Variants in PROSER3 observed in about 807,000 individuals in gnomAD.
PROSER3 encodes the protein proline and serine-rich protein 3.
PROSER3 carries 33 observed loss-of-function variants against 50.2 expected under a neutral mutation model. That is an observed-to-expected ratio of 0.66 (90% CI 0.50 to 0.88). PROSER3 has a LOEUF of 0.88. Ranked by LOEUF, PROSER3 falls within the 40% of genes least tolerant of loss-of-function variation. The pLI is 0.00. For synonymous variants in PROSER3, 266 were observed against 259.3 expected, an observed-to-expected ratio of 1.03 and a Z score of -0.25; for missense variants, 623 against 612.7, an observed-to-expected ratio of 1.02 and a Z score of -0.18.
chr19:35,758,348 A>C, intron 1 of PROSER3, 122 bp downstream of exon 1: 1 of 1,280,024 alleles, frequency 7.8e-7, no homozygotes, highest in Non-Finnish European at 1.0e-6. Flanking sequence ...CACTGGAACT[A>C]CAATTCCCAA....
intron 5 of PROSER3, chr19:35,762,563 AGAG>A (rs1046802998): frequency 1.2e-4 from 48 of 411,540 alleles, no homozygotes; most frequent in South Asian, 7.6e-4. Context: ...AAAAAAAAAA[AGAG>A]AGAGAGAGAG....
chr19:35,763,449 G>A (rs895963270), intron 5 of PROSER3, among the ~76,000 whole-genome samples: 3 of 149,140 alleles, frequency 2.0e-5, no homozygotes, highest in Non-Finnish European at 3.0e-5. Flanking sequence ...CCGGCAATCC[G>A]CCCACCTCAG....
intron 9 of PROSER3, 24 bp downstream of exon 9, chr19:35,768,089 G>T: frequency 6.3e-7 from 1 of 1,590,904 alleles, no homozygotes; most frequent in Non-Finnish European, 8.6e-7. Context: ...CCTCCTGGAT[G>T]TTGGAGGCAG....
At chr19:35,764,654 C>CAA (rs921410542) in intron 5 of PROSER3, among the ~76,000 whole-genome samples, 200 bp from the exon 6 acceptor site, 1 of 114,428 alleles carries the variant, frequency 8.7e-6, no homozygotes, top group Non-Finnish European at 1.9e-5. Context: ...AATTCAATCT[C>CAA]AAAAAAAAAA....
At chr19:35,768,576 C>CT (rs760031493) in exon 11 of PROSER3, 2 of 1,519,932 alleles carry the variant, frequency 1.3e-6, no homozygotes, top group Admixed American at 2.3e-5. Flanking sequence ...CCCAGTGAGG[C>CT]TCTTTTTTTT....
chr19:35,768,813 G>A (rs908685413), exon 11 of PROSER3: 10 of 308,620 alleles, frequency 3.2e-5, no homozygotes, highest in Admixed American at 1.4e-4. Flanking sequence ...CACCTTATCT[G>A]GCTTCACTCA....
chr19:35,767,904 T>A (rs750471947), exon 9 of PROSER3: 1 of 1,612,672 alleles, frequency 6.2e-7, no homozygotes, highest in South Asian at 1.1e-5. Flanking sequence ...CAGCCCGAGG[T>A]CCCACTCTCT....
chr19:35,760,598 G>C (rs1465199072), intron 3 of PROSER3, among the ~76,000 whole-genome samples: 2 of 152,082 alleles, frequency 1.3e-5, no homozygotes, highest in African/African-American at 4.8e-5. Context: ...TGATTCTCCT[G>C]CCTCAGCCTC....
rs368917297 is a variant in PROSER3 at position 35,766,876 on chromosome 19, G to A, written c.878G>A (p.Arg293Gln). 94 of 1,551,844 alleles carry A rather than the reference G, an allele frequency of 6.1e-5. No homozygotes were observed. The highest frequency in any genetic ancestry group is 3.3e-4 in the African/African-American group (24 of 73,054). Residue 293 changes from arginine to glutamine, a missense_variant, in exon 8 of 11, where the codon CGG (arginine) becomes CAG (glutamine). Arg to Gln is a conservative substitution (Grantham distance 43). Transcript: ENST00000396908. ...GACATTCTGTACCAGTGGCGGCAGC[G>A]GCGGAAGCTTGAACAGGCTCAGGGA...
exon 11 of PROSER3, chr19:35,768,488 G>T (rs1487768096): frequency 6.3e-7 from 1 of 1,598,182 alleles, no homozygotes; most frequent in Non-Finnish European, 8.5e-7. Flanking sequence ...CGCCCCCTAG[G>T]TCCCCAAGGA....
intron 2 of PROSER3, 144 bp from the exon 3 acceptor site, chr19:35,759,645 G>A: frequency 2.0e-6 from 2 of 999,056 alleles, no homozygotes; most frequent in South Asian, 1.6e-5. Context: ...TTCCCCATCT[G>A]AGCCCCCATC....
chr19:35,764,584 A>C (rs1173854035), intron 5 of PROSER3, among the ~76,000 whole-genome samples: 1 of 151,502 alleles, frequency 6.6e-6, no homozygotes, highest in Non-Finnish European at 1.5e-5. Context: ...TGAACCCAGG[A>C]GATGGAGGTT....
chr19:35,767,640 T>C, intron 8 of PROSER3: 1 of 897,560 alleles, frequency 1.1e-6, no homozygotes, highest in East Asian at 2.7e-5. Context: ...AGGGGTGTCC[T>C]GGGCCAGGTA....
intron 8 of PROSER3, chr19:35,767,239 C>T (rs1243683840): frequency 3.4e-5 from 13 of 387,884 alleles, no homozygotes; most frequent in Admixed American, 2.1e-4. Context: ...CCAGCTCCCA[C>T]GGGTTCTTCT....
At chr19:35,762,562 A>C in intron 5 of PROSER3, 1 of 402,442 alleles carries the variant, frequency 2.5e-6, no homozygotes, top group Non-Finnish European at 4.5e-6. Flanking sequence ...AAAAAAAAAA[A>C]AGAGAGAGAG....
intron 5 of PROSER3, chr19:35,762,721 G>A (rs1970999284): frequency 8.7e-6 from 1 of 115,330 alleles, no homozygotes; most frequent in Non-Finnish European, 1.6e-5. Context: ...GCAAGACCCT[G>A]TCTCTATTTA....
chr19:35,767,495 G>C, intron 8 of PROSER3: 1 of 406,852 alleles, frequency 2.5e-6, no homozygotes, highest in Admixed American at 4.3e-5. Flanking sequence ...TGTCCCCCAG[G>C]GCCTGCCCAT....
intron 2 of PROSER3, 93 bp downstream of exon 2, chr19:35,759,563 TGA>T (rs1229584065): frequency 5.6e-6 from 7 of 1,255,106 alleles, no homozygotes; most frequent in Non-Finnish European, 5.6e-6. Context: ...GAGATAGGGA[TGA>T]GAGATTTAAG....
At chr19:35,764,985 G>A in intron 6 of PROSER3, 49 bp downstream of exon 6, 1 of 1,612,546 alleles carries the variant, frequency 6.2e-7, no homozygotes, top group South Asian at 1.1e-5. Flanking sequence ...GCTCCACGTG[G>A]CCCAGGTCTC....
Sources: gnomAD v4.1 joint callset for allele counts (sites outside exome capture counted in the v4.1 genomes callset) on GRCh38, gnomAD v4.1.1 for gene constraint, MANE v1.5 for transcripts, NCBI Gene and HGNC (gene_info 2026-07-23, HGNC 2026-07-21) for gene names.